Variants in ARB2A observed in about 807,000 individuals in gnomAD.
ARB2A encodes the protein ARB2 cotranscriptional regulator A.
At chr5:93,809,998 A>T in the ARB2A span, among the ~76,000 whole-genome samples, 1 of 152,090 alleles carries the variant, frequency 6.6e-6, no homozygotes, top group South Asian at 2.1e-4. Flanking sequence ...GTATTTTTTG[A>T]GATCAATTGT....
chr5:93,857,155 A>T, the ARB2A span, among the ~76,000 whole-genome samples: 2 of 152,076 alleles, frequency 1.3e-5, no homozygotes, highest in African/African-American at 4.8e-5. Flanking sequence ...TTTGTCTCAG[A>T]GGAGTACCCG....
chr5:93,949,592 T>C, the ARB2A span, among the ~76,000 whole-genome samples: 4 of 151,890 alleles, frequency 2.6e-5, no homozygotes, highest in East Asian at 7.8e-4. Flanking sequence ...GTAATAATAA[T>C]TACATCAAGG....
the ARB2A span, chr5:94,050,848 A>G: frequency 1.3e-6 from 2 of 1,516,652 alleles, no homozygotes; most frequent in Admixed American, 3.8e-5. Context: ...AGATAAACAA[A>G]CAATATTGCT....
the ARB2A span, among the ~76,000 whole-genome samples, chr5:93,646,260 T>C: frequency 2.6e-5 from 4 of 152,224 alleles, no homozygotes; most frequent in Admixed American, 2.6e-4. Flanking sequence ...TTAATTTATA[T>C]AGCCATAGTC....
the ARB2A span, chr5:93,740,417 A>G: frequency 4.0e-6 from 3 of 748,214 alleles, no homozygotes; most frequent in Admixed American, 6.3e-5. Flanking sequence ...TTTTTCTTGA[A>G]CAATTCCCAC....
At chr5:94,090,062 A>G in the ARB2A span, among the ~76,000 whole-genome samples, 1 of 152,200 alleles carries the variant, frequency 6.6e-6, no homozygotes, top group African/African-American at 2.4e-5. Context: ...TCTGGAATAA[A>G]TATTCATCTG....
At chr5:94,083,087 G>A in the ARB2A span, among the ~76,000 whole-genome samples, 3 of 152,086 alleles carry the variant, frequency 2.0e-5, no homozygotes, top group Non-Finnish European at 4.4e-5. Context: ...GACCACCATC[G>A]CTTAGCCATA....
the ARB2A span, among the ~76,000 whole-genome samples, chr5:93,915,117 T>C: frequency 6.6e-6 from 1 of 151,998 alleles, no homozygotes; most frequent in African/African-American, 2.4e-5. Context: ...ACAGAATTAG[T>C]AACTTTCTAC....
chr5:94,072,538 T>C, the ARB2A span, among the ~76,000 whole-genome samples: 1 of 152,108 alleles, frequency 6.6e-6, no homozygotes. Context: ...ATGTCCAGAA[T>C]AATTTTTAAT....
chr5:93,912,911 A>T, the ARB2A span, among the ~76,000 whole-genome samples: 1,566 of 151,160 alleles, frequency 0.01, 14 homozygotes, highest in African/African-American at 0.011. Context: ...CCATTTTTTT[A>T]AAAAAAAATT....
the ARB2A span, among the ~76,000 whole-genome samples, chr5:93,972,365 AAGAAACAAATCCAATCAATC>A: frequency 6.6e-6 from 1 of 152,156 alleles, no homozygotes; most frequent in African/African-American, 2.4e-5. Flanking sequence ...TGAAAGCGCC[AAGAAACAAATCCAATCAATC>A]ACAAACAATA....
the ARB2A span, among the ~76,000 whole-genome samples, chr5:93,857,910 T>C: frequency 6.6e-5 from 10 of 152,344 alleles, no homozygotes; most frequent in South Asian, 1.9e-3. Context: ...CTGGAGCTGT[T>C]CCTATTCGGC....
At chr5:94,039,818 G>A in the ARB2A span, among the ~76,000 whole-genome samples, 70 of 152,194 alleles carry the variant, frequency 4.6e-4, no homozygotes, top group African/African-American at 1.4e-3. Context: ...AAGTGGTGGG[G>A]TCTGGTAACA....
chr5:93,829,472 T>G, the ARB2A span, among the ~76,000 whole-genome samples: 1 of 152,192 alleles, frequency 6.6e-6, no homozygotes, highest in African/African-American at 2.4e-5. Flanking sequence ...GATTAGGTAA[T>G]GTCTTCTAAC....
chr5:93,683,101 C>T, the ARB2A span: 1 of 1,560,062 alleles, frequency 6.4e-7, no homozygotes, highest in East Asian at 2.2e-5. Flanking sequence ...TCTGATTTGA[C>T]TTTTGTGCAT....
At chr5:93,712,300 GA>G in the ARB2A span, among the ~76,000 whole-genome samples, 1 of 152,268 alleles carries the variant, frequency 6.6e-6, no homozygotes, top group East Asian at 1.9e-4. Flanking sequence ...ACATTTTGAA[GA>G]GGGGAGTCTG....
At chr5:93,666,093 A>G in the ARB2A span, among the ~76,000 whole-genome samples, 1 of 152,218 alleles carries the variant, frequency 6.6e-6, no homozygotes, top group Admixed American at 6.5e-5. Flanking sequence ...CAGGCCTGAC[A>G]GTAACAATGA....
the ARB2A span, among the ~76,000 whole-genome samples, chr5:94,067,542 T>C: frequency 6.6e-6 from 1 of 152,020 alleles, no homozygotes; most frequent in Non-Finnish European, 1.5e-5. Context: ...CAATAATAAA[T>C]GAGCTGAGAA....
At chr5:93,784,635 T>C in the ARB2A span, 1 of 616,732 alleles carries the variant, frequency 1.6e-6, no homozygotes, top group Non-Finnish European at 2.8e-6. Context: ...AAGTTACTCT[T>C]TTTTTGCATT....
Sources: allele counts gnomAD v4.1 joint callset (sites outside exome capture counted in the v4.1 genomes callset), GRCh38; gene constraint gnomAD v4.1.1; transcripts MANE v1.5; gene names NCBI Gene and HGNC (gene_info 2026-07-23, HGNC 2026-07-21).